Variants in DLGAP2 observed in about 807,000 individuals in gnomAD.
DLGAP2 encodes DLG associated protein 2.
A neutral mutation model predicts 100.3 loss-of-function variants in DLGAP2; 26 were observed. The observed-to-expected ratio is 0.26, with a 90% CI of 0.19 to 0.36. The LOEUF is 0.36. DLGAP2 is among the 10% of genes least tolerant of loss of function. The pLI, the probability that DLGAP2 is intolerant of heterozygous loss-of-function variation, is 1.00. For missense variants in DLGAP2, 1,858 were observed against 1,453.2 expected (o/e 1.28, Z -4.53); for synonymous variants, 886 against 630.1 (o/e 1.41, Z -6.08).
chr8:1,543,268 T>C (rs1466842377), intron 4 of DLGAP2, among the ~76,000 whole-genome samples: 1 of 152,246 alleles, frequency 6.6e-6, no homozygotes, highest in Admixed American at 6.5e-5. Flanking sequence ...AACCATTGCC[T>C]GGTTCACAGT....
At chr8:1,376,680 TCGGCGGA>T (rs1256927543) in intron 3 of DLGAP2, among the ~76,000 whole-genome samples, 4 of 124,146 alleles carry the variant, frequency 3.2e-5, no homozygotes, top group African/African-American at 1.2e-4. Flanking sequence ...TGTGTGGTCA[TCGGCGGA>T]TGGCGGGGAC....
chr8:738,018 C>T (rs1408707200), intron 1 of DLGAP2, 193 bp downstream of exon 1: 3 of 312,054 alleles, frequency 9.6e-6, no homozygotes, highest in African/African-American at 6.6e-5. Flanking sequence ...GCTCGGGGGT[C>T]GCGCGTTGCG....
chr8:875,518 C>T (rs888906788), intron 1 of DLGAP2, among the ~76,000 whole-genome samples: 9 of 152,190 alleles, frequency 5.9e-5, no homozygotes, highest in African/African-American at 2.2e-4. Context: ...CTCCTTTCTG[C>T]TGCCATGTGA....
chr8:1,196,947 C>A (rs1797764644), intron 2 of DLGAP2, among the ~76,000 whole-genome samples: 1 of 152,158 alleles, frequency 6.6e-6, no homozygotes, highest in South Asian at 2.1e-4. Flanking sequence ...TATTGTCCAT[C>A]CACAAGCTGG....
At chr8:1,187,429 C>T (rs895613528) in intron 2 of DLGAP2, among the ~76,000 whole-genome samples, 47 of 138,030 alleles carry the variant, frequency 3.4e-4, no homozygotes, top group Admixed American at 2.1e-4. Context: ...ACCTCCGTGA[C>T]GTTTGCCTCA....
chr8:1,365,611 TCTAG>T (rs1802091421), intron 3 of DLGAP2, among the ~76,000 whole-genome samples: 1 of 152,316 alleles, frequency 6.6e-6, no homozygotes, highest in South Asian at 2.1e-4. Context: ...CTGGATGTCC[TCTAG>T]CTATTAATGG....
intron 2 of DLGAP2, among the ~76,000 whole-genome samples, chr8:913,853 T>C (rs1386554900): frequency 6.6e-6 from 1 of 152,340 alleles, no homozygotes; most frequent in East Asian, 1.9e-4. Context: ...CAGCACGGTG[T>C]GGACCGGGAA....
At chr8:1,530,034 A>G (rs990112618) in intron 4 of DLGAP2, among the ~76,000 whole-genome samples, 1 of 152,240 alleles carries the variant, frequency 6.6e-6, no homozygotes, top group Admixed American at 6.5e-5. Flanking sequence ...CGGGAGCGAA[A>G]TTAAAATTGC....
At chr8:976,678 A>G (rs1800172703) in intron 2 of DLGAP2, among the ~76,000 whole-genome samples, 1 of 152,224 alleles carries the variant, frequency 6.6e-6, no homozygotes, top group Non-Finnish European at 1.5e-5. Flanking sequence ...CAAAGGAGCA[A>G]TTCAGTGTAG....
chr8:1,417,816 A>G (rs1414986711), intron 3 of DLGAP2, among the ~76,000 whole-genome samples: 2 of 151,550 alleles, frequency 1.3e-5, no homozygotes, highest in Non-Finnish European at 2.9e-5. Flanking sequence ...AATGCAGCTA[A>G]TGCATTTGAA....
intron 12 of DLGAP2, among the ~76,000 whole-genome samples, chr8:1,685,868 C>T (rs989209395): frequency 2.6e-5 from 4 of 152,172 alleles, no homozygotes; most frequent in South Asian, 2.1e-4. Flanking sequence ...ATCAAAACCA[C>T]GATGAGATGT....
At chr8:1,554,629 A>T (rs79699958) in intron 5 of DLGAP2, among the ~76,000 whole-genome samples, 3,311 of 152,196 alleles carry the variant, frequency 0.022, 133 homozygotes, top group African/African-American at 0.077. Flanking sequence ...GGAGGGTCCA[A>T]CACACTCAGT....
At chr8:1,502,030 C>A (rs1799740257) in intron 4 of DLGAP2, among the ~76,000 whole-genome samples, 1 of 152,184 alleles carries the variant, frequency 6.6e-6, no homozygotes, top group African/African-American at 2.4e-5. Context: ...AGAACAAGGC[C>A]CAATGCTTCT....
At chr8:1,012,586 G>A (rs575349716) in intron 2 of DLGAP2, among the ~76,000 whole-genome samples, 1 of 119,038 alleles carries the variant, frequency 8.4e-6, no homozygotes, top group South Asian at 2.9e-4. Context: ...CCACTTCAGC[G>A]GCAGTGTGGA....
rs1486679586 is a variant in DLGAP2, at chr8:1,086,810, T to C, written c.74-172041T>C. 8.5e-5 allele frequency among the ~76,000 whole-genome samples: 13 copies of C among 152,318 alleles called. No homozygotes were observed. In the East Asian group the frequency reaches 2.1e-3, roughly 25 times the overall value. On this transcript the variant is annotated intron_variant, in intron 2 of 14. Coordinates refer to ENST00000637795, the MANE Select transcript of DLGAP2 (RefSeq NM_001346810.2). ...GAGATAGGCTATGATGCAGCAATCATAGGGCACTTTAATATACCACTTTCA... is the reference window on the plus strand; with the variant it reads ...GAGATAGGCTATGATGCAGCAATCACAGGGCACTTTAATATACCACTTTCA...
At chr8:1,071,620 T>G (rs960846653) in intron 2 of DLGAP2, among the ~76,000 whole-genome samples, 1 of 152,236 alleles carries the variant, frequency 6.6e-6, no homozygotes, top group Admixed American at 6.5e-5. Context: ...ATTTTCCACC[T>G]GGTTCATTTA....
chr8:1,291,180 T>C (rs1190463244), intron 3 of DLGAP2, among the ~76,000 whole-genome samples: 1 of 152,148 alleles, frequency 6.6e-6, no homozygotes, highest in Non-Finnish European at 1.5e-5. Context: ...AATATTAATG[T>C]TGAACATAAA....
At chr8:742,951 T>A (rs1409130354) in intron 1 of DLGAP2, among the ~76,000 whole-genome samples, 1 of 152,218 alleles carries the variant, frequency 6.6e-6, no homozygotes, top group Non-Finnish European at 1.5e-5. Flanking sequence ...ACGTAGGAAA[T>A]GCTGGATTAG....
At chr8:1,188,764 T>A in intron 2 of DLGAP2, among the ~76,000 whole-genome samples, 1 of 152,336 alleles carries the variant, frequency 6.6e-6, no homozygotes, top group African/African-American at 2.4e-5. Flanking sequence ...TGGAAAGACA[T>A]TTCCTGTTAC....
Sources: gnomAD v4.1 joint callset for allele counts (sites outside exome capture counted in the v4.1 genomes callset) on GRCh38, gnomAD v4.1.1 for gene constraint, MANE v1.5 for transcripts, NCBI Gene and HGNC (gene_info 2026-07-23, HGNC 2026-07-21) for gene names.